The following HACE1 variants were observed in gnomAD, a reference collection of about 807,000 sequenced individuals.
HACE1 encodes the protein HECT domain and ankyrin repeat containing E3 ubiquitin protein ligase 1.
A neutral mutation model predicts 118.4 loss-of-function variants in HACE1; 73 were observed. The observed-to-expected ratio is 0.62, with a 90% CI of 0.51 to 0.75. The LOEUF (loss-of-function observed/expected upper bound fraction) is 0.75, where lower values mean the gene tolerates loss of function less well. Among genes scored for constraint, HACE1 ranks in the 30% least tolerant of loss-of-function variants. HACE1 has a pLI of 0.00. For missense variants in HACE1, 749 were observed against 1,102.2 expected (o/e 0.68, Z 4.54); for synonymous variants, 368 against 374.8 (o/e 0.98, Z 0.21).
chr6:104,799,991 G>A (rs1770131448), intron 7 of HACE1, among the ~76,000 whole-genome samples: 4 of 152,076 alleles, frequency 2.6e-5, no homozygotes, highest in Admixed American at 6.6e-5. Context: ...CTGGAAAAAC[G>A]GGACACTCCT....
Position 104,785,067 on chromosome 6 carries a change from C to T in HACE1, c.1327G>A (p.Asp443Asn), listed in dbSNP as rs1190198417. The change falls in exon 12 of 24, where the codon GAT becomes AAT. Residue 443 changes from aspartate to asparagine, a missense_variant. By Grantham distance (23) the Asp-to-Asn change is conservative (BLOSUM62 1). Around this residue, in one of 5 missense-constraint regions of HACE1, gnomAD observed 195 missense variants for 322.1 expected, o/e 0.61. Coordinates refer to ENST00000262903, the MANE Select transcript of HACE1 (RefSeq NM_020771.4). ...CGGTTAGCTGTCATAGAAATAACAT[C>T]CTGACAATCTGCACTGGCTTCCTGT... ...GRQEASADCQ[D>N]VISMTANRLS... The T allele has an allele frequency of 1.2e-6, 2 of 1,613,864 alleles. No homozygotes were observed. The highest frequency in any genetic ancestry group is 8.5e-7 in the Non-Finnish European group (1 of 1,179,890).
At chr6:104,795,897 A>T (rs1252925883) in intron 9 of HACE1, among the ~76,000 whole-genome samples, 1 of 152,194 alleles carries the variant, frequency 6.6e-6, no homozygotes, top group East Asian at 1.9e-4. Context: ...AACAATAGTA[A>T]ATATAGATAG....
At chr6:104,840,052 T>C (rs528396138) in intron 5 of HACE1, among the ~76,000 whole-genome samples, 25 of 152,200 alleles carry the variant, frequency 1.6e-4, no homozygotes, top group African/African-American at 5.8e-4. Flanking sequence ...GTAAGACAGA[T>C]TGTATCAATG....
intron 17 of HACE1, among the ~76,000 whole-genome samples, chr6:104,774,594 C>T (rs1429703918): frequency 6.6e-6 from 1 of 151,744 alleles, no homozygotes; most frequent in African/African-American, 2.4e-5. Flanking sequence ...CCATGTTGAC[C>T]AGGATGGTCT....
At chr6:104,814,876 C>T (rs1013318977) in intron 6 of HACE1, among the ~76,000 whole-genome samples, 5 of 138,284 alleles carry the variant, frequency 3.6e-5, no homozygotes, top group African/African-American at 1.4e-4. Context: ...TGTAAGTTTC[C>T]TGAGGCCTCA....
In HACE1 at chr6:104,786,930, T is replaced by G. The variant is rs532753544; in HGVS notation, c.1075-1611A>C. 4 of 152,308 alleles carry G rather than the reference T, an allele frequency of 2.6e-5. 1 individual carries two copies. In the South Asian group the frequency reaches 8.3e-4, roughly 32 times the overall value. 9.4% of individuals were successfully genotyped at this position (152,308 alleles called of 1,614,324 possible). A position where few individuals can be genotyped will look rare whatever the true frequency, so the allele number is the denominator to read the frequency against. ...CATGGAAGGAGATTATACAACCATA[T>G]TTGGAACCTTAGAAAATGTTTGAAC... On this transcript the variant is annotated intron_variant, in intron 11 of 23. Coordinates refer to ENST00000262903, the MANE Select transcript of HACE1 (RefSeq NM_020771.4).
At chr6:104,840,691 C>T (rs1241360916) in intron 5 of HACE1, among the ~76,000 whole-genome samples, 1 of 151,792 alleles carries the variant, frequency 6.6e-6, no homozygotes, top group Non-Finnish European at 1.5e-5. Context: ...AGGCTGGGCG[C>T]GGTGGCTCAC....
intron 20 of HACE1, among the ~76,000 whole-genome samples, chr6:104,745,787 T>C (rs1777359960): frequency 6.6e-6 from 1 of 152,134 alleles, no homozygotes; most frequent in South Asian, 2.1e-4. Context: ...TTCAAAATCA[T>C]GTCTCCTATA....
intron 7 of HACE1, among the ~76,000 whole-genome samples, chr6:104,808,877 G>T (rs567970694): frequency 1.6e-4 from 24 of 152,074 alleles, no homozygotes; most frequent in Non-Finnish European, 2.9e-4. Context: ...ATGATTTTTT[G>T]GTTTCACATT....
chr6:104,852,836 T>C lies in HACE1; in HGVS notation c.77-465A>G, dbSNP rs933652744. 6.6e-5 allele frequency among the ~76,000 whole-genome samples: 10 copies of C among 152,182 alleles called. 1 individual carries two copies. The highest frequency in any genetic ancestry group is 2.4e-4 in the African/African-American group (10 of 41,434). On this transcript the variant is annotated intron_variant, in intron 1 of 23. Transcript: ENST00000262903. ...TAAATATATATGGATATTAAATATA[T>C]ATATGCTAAAATAATTTTAAAACCT...
chr6:104,802,086 A>T (rs1374270340), intron 7 of HACE1, among the ~76,000 whole-genome samples: 13 of 152,088 alleles, frequency 8.5e-5, no homozygotes, highest in African/African-American at 2.9e-4. Flanking sequence ...GATAAAACAG[A>T]CGTTAGACGA....
intron 10 of HACE1, among the ~76,000 whole-genome samples, chr6:104,794,687 A>T (rs1354837250): frequency 1.3e-5 from 2 of 152,172 alleles, no homozygotes; most frequent in Non-Finnish European, 1.5e-5. Flanking sequence ...GCGGATTGCC[A>T]GAGCTCAGGA....
At chr6:104,823,903 C>T (rs559551557) in intron 6 of HACE1, among the ~76,000 whole-genome samples, 1 of 152,080 alleles carries the variant, frequency 6.6e-6, no homozygotes, top group African/African-American at 2.4e-5. Flanking sequence ...CAACCTGAAT[C>T]ACAGTTTTAA....
intron 7 of HACE1, among the ~76,000 whole-genome samples, chr6:104,809,362 T>C (rs542507258): frequency 8.5e-5 from 13 of 152,280 alleles, no homozygotes; most frequent in African/African-American, 2.9e-4. Flanking sequence ...ACTGCCTTCC[T>C]AAAAAGTTAC....
At chr6:104,832,033 G>A (rs564105120) in intron 6 of HACE1, among the ~76,000 whole-genome samples, 2 of 137,358 alleles carry the variant, frequency 1.5e-5, no homozygotes, top group South Asian at 2.4e-4. Context: ...GAAGGAAGGA[G>A]AAAGAAAAGA....
intron 7 of HACE1, among the ~76,000 whole-genome samples, chr6:104,800,829 C>T (rs570112401): frequency 1.3e-5 from 2 of 152,314 alleles, no homozygotes; most frequent in Admixed American, 1.3e-4. Context: ...CTCACAGCTC[C>T]TTGCCAGCAA....
intron 19 of HACE1, among the ~76,000 whole-genome samples, chr6:104,751,113 ACTGGCTTT>A (rs1777997352): frequency 6.6e-6 from 1 of 151,916 alleles, no homozygotes; most frequent in Non-Finnish European, 1.5e-5. Flanking sequence ...TTCTAGTTTC[ACTGGCTTT>A]CTGGCTATTC....
At chr6:104,771,487 G>T in intron 18 of HACE1, 98 bp from the exon 19 acceptor site, 2 of 740,514 alleles carry the variant, frequency 2.7e-6, no homozygotes, top group Admixed American at 2.1e-5. Flanking sequence ...CTGAAAAACT[G>T]CAAAATATAA....
chr6:104,844,183 G>C (rs947657194), intron 4 of HACE1, among the ~76,000 whole-genome samples: 1 of 149,724 alleles, frequency 6.7e-6, no homozygotes, highest in Non-Finnish European at 1.5e-5. Flanking sequence ...GATTTCAGGC[G>C]CATGCCACCA....
Sources: gnomAD v4.1 joint callset for allele counts (sites outside exome capture counted in the v4.1 genomes callset) on GRCh38, gnomAD v4.1.1 for gene constraint, gnomAD v4.1.1 regional missense constraint, MANE v1.5 for transcripts, NCBI Gene and HGNC (gene_info 2026-07-23, HGNC 2026-07-21) for gene names.